TAFA1: variants seen among roughly 807,000 people sequenced by gnomAD.
The protein encoded by TAFA1 is chemokine-like protein TAFA-1.
Under a neutral mutation model 18.5 loss-of-function variants are expected in TAFA1, and 4 were observed. The observed-to-expected ratio is 0.22, with a 90% CI of 0.11 to 0.49. The LOEUF (loss-of-function observed/expected upper bound fraction) is 0.49, where lower values mean the gene tolerates loss of function less well. TAFA1 is among the 20% of genes least tolerant of loss of function. The pLI, the probability that TAFA1 is intolerant of heterozygous loss-of-function variation, is 0.98. For missense variants in TAFA1, 147 were observed against 169.0 expected (o/e 0.87, Z 0.72); for synonymous variants, 56 against 55.2 (o/e 1.01, Z -0.06).
chr3:68,502,574 C>G (rs932973782), intron 3 of TAFA1, among the ~76,000 whole-genome samples: 1 of 151,994 alleles, frequency 6.6e-6, no homozygotes, highest in Non-Finnish European at 1.5e-5. Context: ...TCAATACTAC[C>G]AATATAGCAG....
intron 3 of TAFA1, among the ~76,000 whole-genome samples, chr3:68,522,788 G>C (rs2073047662): frequency 6.6e-6 from 1 of 151,938 alleles, no homozygotes; most frequent in Non-Finnish European, 1.5e-5. Context: ...GGTGGAGTTT[G>C]CAGTAAGCCG....
intron 2 of TAFA1, among the ~76,000 whole-genome samples, chr3:68,300,773 G>A (rs113427102): frequency 2.0e-5 from 3 of 152,264 alleles, no homozygotes; most frequent in African/African-American, 7.2e-5. Context: ...GAGATAGTGA[G>A]TTCTCACAAG....
At chr3:68,510,045 C>A (rs1228994572) in intron 3 of TAFA1, among the ~76,000 whole-genome samples, 4 of 152,090 alleles carry the variant, frequency 2.6e-5, no homozygotes, top group Non-Finnish European at 5.9e-5. Flanking sequence ...CTTATCATAT[C>A]CTTAATGGTC....
rs530419022 is a variant in TAFA1, at chr3:68,394,774, C to T, written c.119-22506C>T. The stretch of plus-strand genomic sequence containing the variant: ...CAGAAAACTGAAACTGAACCTCTTC[C>T]TTACACTTTATACAAAAAATAACTC... On this transcript the variant is annotated intron_variant, in intron 2 of 4. Coordinates refer to ENST00000478136, the MANE Select transcript of TAFA1 (RefSeq NM_213609.4). Among the ~76,000 whole-genome samples, 7 of 152,232 alleles carry T rather than the reference C, an allele frequency of 4.6e-5. No homozygotes were observed. The South Asian group carries it at 1.2e-3, about 27-fold the overall frequency.
rs1174029384 is a variant in TAFA1, at chr3:68,279,310, C to T, written c.119-137970C>T. ...CCAGGAATCTATTCTTTATACAGTT[C>T]TTTTGCCAACCTTGGAGCCCAGGTA... On this transcript the variant is annotated intron_variant, in intron 2 of 4. Coordinates refer to ENST00000478136, the MANE Select transcript of TAFA1 (RefSeq NM_213609.4). 2.0e-5 allele frequency among the ~76,000 whole-genome samples: 3 copies of T among 152,226 alleles called. No homozygotes were observed. In the East Asian group the frequency reaches 5.8e-4, roughly 29 times the overall value.
At chr3:68,104,817 T>C (rs1575618434) in intron 2 of TAFA1, among the ~76,000 whole-genome samples, 2 of 152,160 alleles carry the variant, frequency 1.3e-5, no homozygotes, top group South Asian at 2.1e-4. Flanking sequence ...CTATCCTTTG[T>C]GGGAAAAAGT....
chr3:68,393,646 A>G (rs530918884), intron 2 of TAFA1, among the ~76,000 whole-genome samples: 1 of 152,324 alleles, frequency 6.6e-6, no homozygotes, highest in East Asian at 1.9e-4. Flanking sequence ...CCATCAGCAC[A>G]TTAAGAAGCT....
chr3:68,534,323 T>G (rs2073237694), intron 3 of TAFA1, among the ~76,000 whole-genome samples: 2 of 152,176 alleles, frequency 1.3e-5, no homozygotes, highest in Admixed American at 1.3e-4. Context: ...CATAACCTGT[T>G]CCAAGCCCCT....
At chr3:68,412,109 C>G (rs2070730096) in intron 2 of TAFA1, among the ~76,000 whole-genome samples, 1 of 152,196 alleles carries the variant, frequency 6.6e-6, no homozygotes, top group Non-Finnish European at 1.5e-5. Context: ...AATCCACCAT[C>G]TGTGAGCCTA....
chr3:68,303,158 T>C (rs957807981), intron 2 of TAFA1, among the ~76,000 whole-genome samples: 60 of 152,182 alleles, frequency 3.9e-4, no homozygotes, highest in African/African-American at 1.4e-3. Flanking sequence ...GTACTTTTAC[T>C]GTATAAAAAG....
intron 3 of TAFA1, among the ~76,000 whole-genome samples, chr3:68,427,631 C>T (rs1344857582): frequency 1.3e-5 from 2 of 151,692 alleles, no homozygotes; most frequent in East Asian, 3.9e-4. Flanking sequence ...CTCTGAAGCT[C>T]CTTGAATTTT....
At chr3:68,312,965 C>T (rs2068545009) in intron 2 of TAFA1, among the ~76,000 whole-genome samples, 1 of 152,266 alleles carries the variant, frequency 6.6e-6, no homozygotes, top group East Asian at 1.9e-4. Context: ...ACGAGCAAGT[C>T]ATATCTTACA....
Position 68,297,239 on chromosome 3 carries a change from T to C in TAFA1, c.119-120041T>C, listed in dbSNP as rs1366019825. 2.6e-5 allele frequency among the ~76,000 whole-genome samples: 4 copies of C among 152,338 alleles called. 1 individual carries two copies. The highest frequency in any genetic ancestry group is 6.8e-3 in the Middle Eastern group (2 of 294). ...TTATTCTAAGTGAAACCAAAGTAAG[T>C]ACCCATTTGATTAGGGTATTTCTCT... On this transcript the variant is annotated intron_variant, in intron 2 of 4. Coordinates refer to ENST00000478136, the MANE Select transcript of TAFA1 (RefSeq NM_213609.4).
At chr3:68,125,607 G>C (rs2065454778) in intron 2 of TAFA1, among the ~76,000 whole-genome samples, 1 of 152,092 alleles carries the variant, frequency 6.6e-6, no homozygotes, top group South Asian at 2.1e-4. Context: ...CTAGCATGGG[G>C]CCAGTCACTG....
rs567345910 is a variant in TAFA1 at position 68,354,040 on chromosome 3, A to G, written c.119-63240A>G. Among the ~76,000 whole-genome samples the G allele has an allele frequency of 1.2e-4, 18 of 152,104 alleles. No homozygotes were observed. In the South Asian group the frequency reaches 2.3e-3, roughly 19 times the overall value. On this transcript the variant is annotated intron_variant, in intron 2 of 4. Transcript: ENST00000478136. ...AGCAGCCAGTGGGTTCTCCCTGTAT[A>G]TATACTAACTGACCCTCGAGTTTTG...
chr3:68,032,086 G>A (rs1704946856), intron 2 of TAFA1, among the ~76,000 whole-genome samples: 1 of 151,856 alleles, frequency 6.6e-6, no homozygotes, highest in Admixed American at 6.6e-5. Context: ...TATCATGTAG[G>A]TACCTTCATG....
At chr3:68,015,045 C>A (rs922231738) in intron 2 of TAFA1, among the ~76,000 whole-genome samples, 1 of 151,806 alleles carries the variant, frequency 6.6e-6, no homozygotes, top group African/African-American at 2.4e-5. Flanking sequence ...GAGAGAGAAG[C>A]GAGGGAAGTG....
At chr3:68,517,645 A>T (rs1380300567) in intron 3 of TAFA1, among the ~76,000 whole-genome samples, 1 of 152,200 alleles carries the variant, frequency 6.6e-6, no homozygotes, top group Non-Finnish European at 1.5e-5. Context: ...TGTCAAACGA[A>T]CTAATTCATT....
intron 2 of TAFA1, among the ~76,000 whole-genome samples, chr3:68,321,680 A>T (rs1024608797): frequency 6.6e-6 from 1 of 152,064 alleles, no homozygotes; most frequent in Non-Finnish European, 1.5e-5. Context: ...TCTTTTCCTG[A>T]CCATGTCCTT....
Sources: allele counts gnomAD v4.1 joint callset (sites outside exome capture counted in the v4.1 genomes callset), GRCh38; gene constraint gnomAD v4.1.1; transcripts MANE v1.5; gene names NCBI Gene and HGNC (gene_info 2026-07-23, HGNC 2026-07-21).